The following SHANK2 variants were observed in gnomAD, a reference collection of about 807,000 sequenced individuals.
SHANK2 encodes the protein SH3 and multiple ankyrin repeat domains protein 2.
Under a neutral mutation model 133.7 loss-of-function variants are expected in SHANK2, and 43 were observed. The ratio of observed to expected loss-of-function variants is 0.32; its 90% CI spans 0.25 to 0.41. The LOEUF (loss-of-function observed/expected upper bound fraction) is 0.41, where lower values mean the gene tolerates loss of function less well. SHANK2 is among the 10% of genes least tolerant of loss of function. SHANK2 has a pLI of 1.00. For synonymous variants in SHANK2, 1,017 were observed against 952.8 expected, an observed-to-expected ratio of 1.07 and a Z score of -1.24; for missense variants, 1,994 against 2,235.8, an observed-to-expected ratio of 0.89 and a Z score of 2.18.
chr11:71,120,692 G>A (rs1353788949), intron 3 of SHANK2, among the ~76,000 whole-genome samples: 10 of 152,108 alleles, frequency 6.6e-5, no homozygotes, highest in African/African-American at 1.9e-4. Context: ...TTCCAGACCC[G>A]CACCCTCCCC....
At chr11:70,680,921 C>T (rs984383119) in intron 15 of SHANK2, among the ~76,000 whole-genome samples, 13 of 152,272 alleles carry the variant, frequency 8.5e-5, no homozygotes, top group Middle Eastern at 3.4e-3. Context: ...GCAGGTCCTG[C>T]GGCCGAGATA....
Position 71,124,355 on chromosome 11 carries a change from G to A in SHANK2, c.208-5323C>T, listed in dbSNP as rs544136065. Among the ~76,000 whole-genome samples, 103 of 125,292 alleles carry A rather than the reference G, an allele frequency of 8.2e-4. 2 individuals carry two copies. In the Middle Eastern group the frequency reaches 0.03, roughly 36 times the overall value. 82.2% of individuals were successfully genotyped at this position (125,292 alleles called of 152,430 possible). Reference sequence around the variant, plus strand: ...GAGGATGATGATGGTGATGATGACAGTGGTCACTGCAATGATGACAGTAGT... The same window carrying A: ...GAGGATGATGATGGTGATGATGACAATGGTCACTGCAATGATGACAGTAGT... On this transcript the variant is annotated intron_variant, in intron 3 of 25. Coordinates refer to ENST00000601538, the MANE Select transcript of SHANK2 (RefSeq NM_012309.5).
intron 2 of SHANK2, among the ~76,000 whole-genome samples, chr11:71,200,078 G>A (rs76266984): frequency 0.041 from 6,245 of 152,132 alleles, 173 homozygotes; most frequent in Non-Finnish European, 0.054. Flanking sequence ...ACTATCTAAC[G>A]TCAGGACATT....
At chr11:70,508,591 T>G (rs1554968818) in intron 17 of SHANK2, among the ~76,000 whole-genome samples, 1 of 152,212 alleles carries the variant, frequency 6.6e-6, no homozygotes, top group Non-Finnish European at 1.5e-5. Context: ...ACTAGTGTTC[T>G]TATGAAAAGG....
chr11:71,146,558 G>C (rs1302259118), intron 3 of SHANK2, among the ~76,000 whole-genome samples: 2 of 152,222 alleles, frequency 1.3e-5, no homozygotes, highest in Non-Finnish European at 2.9e-5. Flanking sequence ...CAGCCTGAGG[G>C]CTCTGGGCGG....
At chr11:70,933,690 C>T (rs981229100) in intron 10 of SHANK2, among the ~76,000 whole-genome samples, 5 of 151,798 alleles carry the variant, frequency 3.3e-5, no homozygotes, top group Non-Finnish European at 1.5e-5. Context: ...GAGGCCGAGG[C>T]GGATGGATCA....
intron 14 of SHANK2, among the ~76,000 whole-genome samples, chr11:70,751,221 A>G (rs1471632113): frequency 2.6e-5 from 4 of 152,244 alleles, no homozygotes; most frequent in Non-Finnish European, 5.9e-5. Flanking sequence ...ATCCATTCCC[A>G]GACACGTCCA....
At chr11:70,635,987 CAG>C (rs2061074313) in intron 17 of SHANK2, among the ~76,000 whole-genome samples, 2 of 152,326 alleles carry the variant, frequency 1.3e-5, no homozygotes, top group African/African-American at 2.4e-5. Flanking sequence ...CCAGAATACG[CAG>C]AGTCTTTCCC....
At chr11:70,850,331 T>G (rs1292584627) in intron 11 of SHANK2, among the ~76,000 whole-genome samples, 1 of 152,058 alleles carries the variant, frequency 6.6e-6, no homozygotes, top group Non-Finnish European at 1.5e-5. Context: ...CCACCCCAGG[T>G]GTTATACCTC....
chr11:70,503,228 A>G (rs1555159278), intron 17 of SHANK2, among the ~76,000 whole-genome samples: 1 of 152,024 alleles, frequency 6.6e-6, no homozygotes, highest in Non-Finnish European at 1.5e-5. Flanking sequence ...GCTGATTTCT[A>G]TTTAACCTGA....
At chr11:71,125,926 G>A (rs1422449136) in intron 3 of SHANK2, among the ~76,000 whole-genome samples, 1 of 152,074 alleles carries the variant, frequency 6.6e-6, no homozygotes, top group Admixed American at 6.5e-5. Flanking sequence ...TAAGAATGAT[G>A]CTAAATCAAT....
At position 70,861,165 on chromosome 11, in the gene SHANK2, G is replaced by A. The variant is rs146556528; in HGVS notation, c.1174+35336C>T. ...TTAGTAAATCCTGCCACTTCCCTGA[G>A]GGTTTTAACCCTGCAGTTGGAAGGT... On this transcript the variant is annotated intron_variant, in intron 11 of 25. Transcript: ENST00000601538. Among the ~76,000 whole-genome samples, 969 of 152,280 alleles carry A rather than the reference G, an allele frequency of 6.4e-3. 8 individuals are homozygous for A. Among genetic ancestry groups the A allele is most frequent in the African/African-American group, 0.021 (872 of 41,560 alleles).
intron 2 of SHANK2, among the ~76,000 whole-genome samples, chr11:71,172,633 G>C (rs1056082489): frequency 1.1e-4 from 16 of 150,384 alleles, no homozygotes; most frequent in Admixed American, 6.0e-4. Flanking sequence ...AAAAAGAAAA[G>C]AAAAGAAACA....
At chr11:70,548,177 C>T (rs781975460) in intron 17 of SHANK2, among the ~76,000 whole-genome samples, 3 of 152,220 alleles carry the variant, frequency 2.0e-5, no homozygotes, top group Non-Finnish European at 4.4e-5. Flanking sequence ...TGCCCAGACA[C>T]TGGCCACCCC....
At chr11:70,843,658 C>T (rs1454812045) in intron 11 of SHANK2, among the ~76,000 whole-genome samples, 3 of 151,836 alleles carry the variant, frequency 2.0e-5, no homozygotes, top group Non-Finnish European at 4.4e-5. Flanking sequence ...AGGCCCCAGC[C>T]CTGCGACACC....
chr11:71,161,918 G>A (rs1245925580), intron 2 of SHANK2, among the ~76,000 whole-genome samples: 1 of 152,192 alleles, frequency 6.6e-6, no homozygotes, highest in Admixed American at 6.5e-5. Context: ...CTTAGACACA[G>A]GAGGAAATGT....
chr11:70,654,443 GAA>G (rs1226843573), intron 17 of SHANK2: 1 of 152,162 alleles, frequency 6.6e-6, no homozygotes, highest in Non-Finnish European at 1.5e-5. Context: ...ACATCTGAAA[GAA>G]AGAGAAAATA....
chr11:70,524,735 A>C (rs2135944148), intron 17 of SHANK2, among the ~76,000 whole-genome samples: 1 of 152,300 alleles, frequency 6.6e-6, no homozygotes, highest in Non-Finnish European at 1.5e-5. Flanking sequence ...CTATGCAAAG[A>C]AGGGTGGGGG....
chr11:71,187,340 T>C (rs1275455519), intron 2 of SHANK2, among the ~76,000 whole-genome samples: 1 of 152,184 alleles, frequency 6.6e-6, no homozygotes, highest in Non-Finnish European at 1.5e-5. Context: ...GGGTTTCTCA[T>C]GTTTTGTTTG....
Sources: gnomAD v4.1 joint callset for allele counts (sites outside exome capture counted in the v4.1 genomes callset) on GRCh38, gnomAD v4.1.1 for gene constraint, MANE v1.5 for transcripts, NCBI Gene and HGNC (gene_info 2026-07-23, HGNC 2026-07-21) for gene names.